FAF1: variants seen among roughly 807,000 people sequenced by gnomAD.
FAF1 encodes the protein FAS-associated factor 1.
A neutral mutation model predicts 92.5 loss-of-function variants in FAF1; 25 were observed. The ratio of observed to expected loss-of-function variants is 0.27; its 90% CI spans 0.20 to 0.38. FAF1 has a LOEUF of 0.38. FAF1 is among the 10% of genes least tolerant of loss of function. FAF1 has a pLI of 1.00. For synonymous variants in FAF1, 234 were observed against 273.2 expected, an observed-to-expected ratio of 0.86 and a Z score of 1.42; for missense variants, 636 against 793.3, an observed-to-expected ratio of 0.80 and a Z score of 2.38.
At chr1:50,654,544 A>T (rs1655016465) in intron 8 of FAF1, among the ~76,000 whole-genome samples, 1 of 152,180 alleles carries the variant, frequency 6.6e-6, no homozygotes, top group Non-Finnish European at 1.5e-5. Context: ...TAAGGAAATC[A>T]TTATAAAATA....
chr1:50,570,746 G>A (rs1481281835), intron 12 of FAF1, among the ~76,000 whole-genome samples: 5 of 152,154 alleles, frequency 3.3e-5, no homozygotes, highest in Non-Finnish European at 5.9e-5. Flanking sequence ...AGACTCAATA[G>A]TATGGAAGTG....
intron 8 of FAF1, among the ~76,000 whole-genome samples, chr1:50,596,455 T>G (rs1651821296): frequency 1.3e-5 from 2 of 152,166 alleles, no homozygotes; most frequent in African/African-American, 2.4e-5. Context: ...GAAACTGGTA[T>G]GAGCCCAAAA....
chr1:50,548,686 T>C (rs1400555810), intron 13 of FAF1, among the ~76,000 whole-genome samples: 2 of 152,228 alleles, frequency 1.3e-5, no homozygotes, highest in African/African-American at 4.8e-5. Context: ...GTCTAATTTT[T>C]AGCAAACTGT....
intron 1 of FAF1, among the ~76,000 whole-genome samples, chr1:50,952,476 C>A (rs1490649795): frequency 6.6e-6 from 1 of 152,224 alleles, no homozygotes; most frequent in Non-Finnish European, 1.5e-5. Context: ...ACCTCCCAGC[C>A]GCCTGCCTTG....
In FAF1 at chr1:50,574,898, CTTTTTTTTTTTTT is replaced by C. The variant is rs891527014; in HGVS notation, c.1114-7680_1114-7668del. On this transcript the variant is annotated intron_variant, in intron 12 of 18. Transcript: ENST00000396153. The stretch of plus-strand genomic sequence containing the variant: ...TTAAGCATATAGAGTTGTATTAACT[CTTTTTTTTTTTTT>C]TTTTTTTTTTTTTTTGAGACAGGGT... Among the ~76,000 whole-genome samples the C allele has an allele frequency of 4.6e-4, 33 of 71,448 alleles. 2 individuals are homozygous for C. The East Asian group carries it at 5.0e-3, about 11-fold the overall frequency. 46.9% of individuals were successfully genotyped at this position (71,448 alleles called of 152,430 possible).
At chr1:50,939,264 T>C (rs1331258612) in intron 1 of FAF1, among the ~76,000 whole-genome samples, 2 of 152,212 alleles carry the variant, frequency 1.3e-5, no homozygotes, top group Non-Finnish European at 2.9e-5. Context: ...GTAGTTCTCC[T>C]TGTAGAGATT....
At chr1:50,916,999 A>G (rs1003698508) in intron 1 of FAF1, among the ~76,000 whole-genome samples, 4 of 152,224 alleles carry the variant, frequency 2.6e-5, no homozygotes, top group South Asian at 2.1e-4. Flanking sequence ...ATGAATCGTG[A>G]TAACTACAAT....
intron 7 of FAF1, among the ~76,000 whole-genome samples, chr1:50,665,833 A>T (rs1012563197): frequency 6.6e-6 from 1 of 152,170 alleles, no homozygotes; most frequent in African/African-American, 2.4e-5. Flanking sequence ...TGTTTAAGTT[A>T]TGTCTGTATA....
intron 1 of FAF1, among the ~76,000 whole-genome samples, chr1:50,936,290 A>G (rs554348131): frequency 6.6e-6 from 1 of 152,362 alleles, no homozygotes; most frequent in East Asian, 1.9e-4. Context: ...ATAATGACAG[A>G]TGGATATATA....
chr1:50,798,732 T>C (rs1399839055), intron 3 of FAF1, among the ~76,000 whole-genome samples: 1 of 152,226 alleles, frequency 6.6e-6, no homozygotes, highest in East Asian at 1.9e-4. Flanking sequence ...TTATGACTTA[T>C]CCTATCTACC....
intron 14 of FAF1, among the ~76,000 whole-genome samples, chr1:50,536,231 A>G (rs929632268): frequency 6.6e-6 from 1 of 152,118 alleles, no homozygotes; most frequent in Non-Finnish European, 1.5e-5. Flanking sequence ...TTTTATTCCA[A>G]CCGAGTCCAT....
chr1:50,506,829 G>GA (rs1031107268), intron 15 of FAF1, among the ~76,000 whole-genome samples: 4 of 151,980 alleles, frequency 2.6e-5, no homozygotes, highest in African/African-American at 9.7e-5. Flanking sequence ...GAGAAAAAAG[G>GA]AAAAAAAGCT....
At chr1:50,615,350 G>C (rs1357165996) in intron 8 of FAF1, among the ~76,000 whole-genome samples, 1 of 152,044 alleles carries the variant, frequency 6.6e-6, no homozygotes. Flanking sequence ...GTGTCATTTT[G>C]GTACAATAAT....
intron 1 of FAF1, among the ~76,000 whole-genome samples, chr1:50,892,753 C>T (rs1204571872): frequency 1.3e-5 from 2 of 152,072 alleles, no homozygotes; most frequent in Non-Finnish European, 2.9e-5. Context: ...TTCTGTTATC[C>T]CTTTAAATAA....
Position 50,539,698 on chromosome 1 carries a change from G to A in FAF1, c.1299C>T (p.Gly433=). Residue 433 remains glycine (G), a synonymous_variant, in exon 14 of 19, where the codon GGC becomes GGT. Transcript: ENST00000396153. ...TCCGAATGGTTTGTGCCACAACACT[G>A]CCAAAGTGTCTATTGCACATAGTGA... ...RFLTMCNRHF[G]SVVAQTIRTQ... The A allele has an allele frequency of 6.2e-7, 1 of 1,611,278 alleles. No individual in the cohort carries two copies. Among genetic ancestry groups the A allele is most frequent in the East Asian group, 2.2e-5 (1 of 44,840 alleles).
intron 18 of FAF1, among the ~76,000 whole-genome samples, chr1:50,446,484 T>C (rs1646228549): frequency 1.3e-5 from 2 of 152,152 alleles, no homozygotes; most frequent in Non-Finnish European, 2.9e-5. Flanking sequence ...TCCAAACTCT[T>C]AAAAAATCCA....
At chr1:50,643,597 T>C (rs12031920) in intron 8 of FAF1, among the ~76,000 whole-genome samples, 2 of 151,800 alleles carry the variant, frequency 1.3e-5, no homozygotes, top group Non-Finnish European at 2.9e-5. Context: ...TTAAAAAAAA[T>C]TTTTCTTTTA....
chr1:50,472,419 A>T (rs1646586964), intron 18 of FAF1, among the ~76,000 whole-genome samples: 2 of 135,958 alleles, frequency 1.5e-5, no homozygotes, highest in South Asian at 4.6e-4. Flanking sequence ...ACACACACAC[A>T]CACAAACCCC....
chr1:50,637,563 A>G (rs1039432890), intron 8 of FAF1, among the ~76,000 whole-genome samples: 2 of 151,792 alleles, frequency 1.3e-5, no homozygotes, highest in African/African-American at 4.8e-5. Flanking sequence ...GAAAAATGCT[A>G]TTGAGATTTT....
Sources: gnomAD v4.1 joint callset for allele counts (sites outside exome capture counted in the v4.1 genomes callset) on GRCh38, gnomAD v4.1.1 for gene constraint, MANE v1.5 for transcripts, NCBI Gene and HGNC (gene_info 2026-07-23, HGNC 2026-07-21) for gene names.